The following ROCK1 variants were observed in gnomAD, a reference collection of about 807,000 sequenced individuals.
ROCK1 encodes rho-associated protein kinase 1.
Under a neutral mutation model 196.8 loss-of-function variants are expected in ROCK1, and 36 were observed. The ratio of observed to expected loss-of-function variants is 0.18; its 90% CI spans 0.14 to 0.24. The LOEUF is 0.24. Among genes scored for constraint, ROCK1 ranks in the 10% least tolerant of loss-of-function variants. The probability of loss-of-function intolerance (pLI) is 1.00; values close to 1 mark genes in which losing one functional copy is unlikely to be tolerated. For synonymous variants in ROCK1, 443 were observed against 515.9 expected (o/e 0.86, Z 1.91); for missense variants, 920 against 1,562.0 (o/e 0.59, Z 6.93).
chr18:21,045,918 T>G (rs2036153364), intron 4 of ROCK1, among the ~76,000 whole-genome samples: 1 of 137,248 alleles, frequency 7.3e-6, no homozygotes. Flanking sequence ...TTTTTTTTTT[T>G]TTTTTTTTTT....
chr18:20,970,047 TTTAAGCTAAGCCATTACTTCATATGAA>T, intron 23 of ROCK1: 1 of 201,806 alleles, frequency 5.0e-6, no homozygotes, highest in Non-Finnish European at 9.9e-6. Flanking sequence ...AACAAATGAA[TTTAAGCTAAGCCATTACTTCATATGAA>T]ATATAACTAA....
intron 9 of ROCK1, among the ~76,000 whole-genome samples, chr18:21,035,350 T>C (rs112765597): frequency 6.6e-6 from 1 of 152,200 alleles, no homozygotes; most frequent in South Asian, 2.1e-4. Flanking sequence ...GTGAATGTTA[T>C]GGCATTTCCT....
At chr18:21,084,151 T>C (rs1390207731) in intron 1 of ROCK1, among the ~76,000 whole-genome samples, 3 of 151,304 alleles carry the variant, frequency 2.0e-5, no homozygotes, top group African/African-American at 7.3e-5. Context: ...GACCAAAACA[T>C]AAAAGCTAGA....
At chr18:21,047,541 C>G (rs2036170600) in intron 4 of ROCK1, among the ~76,000 whole-genome samples, 1 of 152,138 alleles carries the variant, frequency 6.6e-6, no homozygotes, top group African/African-American at 2.4e-5. Flanking sequence ...CACCTGTAAT[C>G]CCAGCACTTT....
intron 1 of ROCK1, among the ~76,000 whole-genome samples, chr18:21,076,807 T>C (rs1304470894): frequency 6.6e-6 from 1 of 152,080 alleles, no homozygotes; most frequent in Non-Finnish European, 1.5e-5. Flanking sequence ...AGTAACAAGC[T>C]ATCTGAAGCA....
At chr18:21,004,008 C>T (rs1039791210) in intron 16 of ROCK1, among the ~76,000 whole-genome samples, 1 of 152,066 alleles carries the variant, frequency 6.6e-6, no homozygotes, top group Non-Finnish European at 1.5e-5. Context: ...TAGATGAAAG[C>T]TTATCAATTC....
chr18:21,104,704 A>G (rs1271495213), intron 1 of ROCK1, among the ~76,000 whole-genome samples: 2 of 152,252 alleles, frequency 1.3e-5, no homozygotes, highest in Non-Finnish European at 2.9e-5. Context: ...TACAGAACAC[A>G]CACTGAAAGT....
At chr18:21,032,250 T>C (rs2036014909) in intron 9 of ROCK1, among the ~76,000 whole-genome samples, 1 of 152,188 alleles carries the variant, frequency 6.6e-6, no homozygotes, top group Non-Finnish European at 1.5e-5. Context: ...ACTATTTAGA[T>C]AAATGTAAAC....
intron 1 of ROCK1, among the ~76,000 whole-genome samples, chr18:21,076,571 C>A (rs1018096518): frequency 6.6e-6 from 1 of 151,938 alleles, no homozygotes; most frequent in African/African-American, 2.4e-5. Context: ...TATATATACA[C>A]ACATAAAAAT....
chr18:21,105,777 G>A (rs2036697912), intron 1 of ROCK1, among the ~76,000 whole-genome samples: 1 of 152,138 alleles, frequency 6.6e-6, no homozygotes, highest in Admixed American at 6.5e-5. Flanking sequence ...AGATATTTAA[G>A]GTTTGAAACA....
chr18:21,093,973 T>C (rs2036592361), intron 1 of ROCK1, among the ~76,000 whole-genome samples: 1 of 145,806 alleles, frequency 6.9e-6, no homozygotes, highest in Non-Finnish European at 1.5e-5. Context: ...AAAAAAAAAT[T>C]AGTCAAGGAG....
At chr18:21,019,580 T>G (rs1171273301) in intron 12 of ROCK1, among the ~76,000 whole-genome samples, 1 of 151,402 alleles carries the variant, frequency 6.6e-6, no homozygotes, top group Admixed American at 6.6e-5. Context: ...GATCACGAGG[T>G]CAGGAGATCG....
chr18:21,007,986 G>T, intron 14 of ROCK1, 73 bp downstream of exon 14: 1 of 1,181,396 alleles, frequency 8.5e-7, no homozygotes. Context: ...TATGTATCAT[G>T]GACACTAAAT....
chr18:20,996,279 GA>G (rs1282712084), intron 16 of ROCK1, among the ~76,000 whole-genome samples: 1 of 152,110 alleles, frequency 6.6e-6, no homozygotes, highest in Non-Finnish European at 1.5e-5. Flanking sequence ...CCGACATACT[GA>G]AGAATGCATC....
At chr18:21,004,049 G>A (rs1327444805) in intron 16 of ROCK1, among the ~76,000 whole-genome samples, 1 of 152,010 alleles carries the variant, frequency 6.6e-6, no homozygotes, top group East Asian at 1.9e-4. Flanking sequence ...ATAACATTTT[G>A]ATCACTTTCA....
intron 9 of ROCK1, among the ~76,000 whole-genome samples, chr18:21,031,910 G>T (rs1481618117): frequency 1.3e-5 from 2 of 152,080 alleles, no homozygotes; most frequent in African/African-American, 4.8e-5. Context: ...CTTGAAGATA[G>T]GACAAATGAA....
chr18:21,049,481 A>T (rs1330386997), intron 3 of ROCK1, among the ~76,000 whole-genome samples: 2 of 152,234 alleles, frequency 1.3e-5, no homozygotes, highest in Non-Finnish European at 2.9e-5. Context: ...CCACACGGCT[A>T]TGTAAGCTGC....
At chr18:20,971,880 G>T (rs1289616727) in intron 22 of ROCK1, among the ~76,000 whole-genome samples, 5 of 151,974 alleles carry the variant, frequency 3.3e-5, no homozygotes, top group African/African-American at 1.2e-4. Flanking sequence ...ATTACAGGTT[G>T]ATCAAGGAGG....
intron 16 of ROCK1, among the ~76,000 whole-genome samples, chr18:21,002,371 T>C (rs1201926650): frequency 4.6e-5 from 7 of 152,190 alleles, no homozygotes; most frequent in South Asian, 4.1e-4. Flanking sequence ...GTGAGCATCA[T>C]TAAGAATAAT....
Sources: allele counts gnomAD v4.1 joint callset (sites outside exome capture counted in the v4.1 genomes callset), GRCh38; gene constraint gnomAD v4.1.1; transcripts MANE v1.5; gene names NCBI Gene and HGNC (gene_info 2026-07-23, HGNC 2026-07-21).